Variants in SH3GL2 observed in about 807,000 individuals in gnomAD.
SH3GL2 encodes the protein endophilin-A1.
In SH3GL2, 24 loss-of-function variants were observed where a neutral mutation model predicts 46.0. That is an observed-to-expected ratio of 0.52 (90% CI 0.38 to 0.73). SH3GL2 has a LOEUF of 0.73. Ranked by LOEUF, SH3GL2 falls within the 30% of genes least tolerant of loss-of-function variation. The pLI is 0.00. For missense variants in SH3GL2, 413 were observed against 424.2 expected, an observed-to-expected ratio of 0.97 and a Z score of 0.23; for synonymous variants, 196 against 147.1, an observed-to-expected ratio of 1.33 and a Z score of -2.40.
intron 3 of SH3GL2, among the ~76,000 whole-genome samples, chr9:17,777,252 T>C (rs1420072539): frequency 6.6e-6 from 1 of 152,178 alleles, no homozygotes; most frequent in Non-Finnish European, 1.5e-5. Flanking sequence ...CTTTTTAAGA[T>C]GACTTTATTC....
chr9:17,614,049 C>G (rs1394266456), intron 1 of SH3GL2, among the ~76,000 whole-genome samples: 6 of 151,954 alleles, frequency 3.9e-5, no homozygotes, highest in Non-Finnish European at 8.8e-5. Context: ...TTATTTGGCT[C>G]TGTTTGGGAA....
chr9:17,651,492 T>C (rs1343307909), intron 1 of SH3GL2, among the ~76,000 whole-genome samples: 1 of 152,212 alleles, frequency 6.6e-6, no homozygotes, highest in Non-Finnish European at 1.5e-5. Context: ...TTTGCCTTTT[T>C]TCTGGTTATT....
chr9:17,722,324 C>A (rs187664929), intron 1 of SH3GL2, among the ~76,000 whole-genome samples: 1 of 152,120 alleles, frequency 6.6e-6, no homozygotes, highest in Non-Finnish European at 1.5e-5. Flanking sequence ...ATATGCAGTA[C>A]CAATATATTG....
At chr9:17,703,473 A>C (rs969057780) in intron 1 of SH3GL2, among the ~76,000 whole-genome samples, 1 of 151,998 alleles carries the variant, frequency 6.6e-6, no homozygotes, top group Non-Finnish European at 1.5e-5. Context: ...TCCTGATACC[A>C]AAACCTGGCA....
chr9:17,652,925 C>G (rs1300834806), intron 1 of SH3GL2, among the ~76,000 whole-genome samples: 1 of 152,106 alleles, frequency 6.6e-6, no homozygotes, highest in African/African-American at 2.4e-5. Flanking sequence ...TGTTCTACAG[C>G]ATTTCCTGTA....
intron 1 of SH3GL2, among the ~76,000 whole-genome samples, chr9:17,701,402 A>G (rs1821339844): frequency 6.6e-6 from 1 of 152,116 alleles, no homozygotes; most frequent in Non-Finnish European, 1.5e-5. Context: ...GAGAGGTGGT[A>G]GCAGGTAGTG....
At position 17,652,982 on chromosome 9, in the gene SH3GL2, A is replaced by T. The variant is rs78118356; in HGVS notation, c.45+73695A>T. ...TTATAATGTTTTTGGCTGCAATTCT[A>T]TTCTGTCTGATAATAAAATTGCTTC... On this transcript the variant is annotated intron_variant, in intron 1 of 8. Coordinates refer to ENST00000380607, the MANE Select transcript of SH3GL2 (RefSeq NM_003026.5). 6.6e-3 allele frequency among the ~76,000 whole-genome samples: 1,009 copies of T among 152,186 alleles called. 11 individuals are homozygous for T. Among genetic ancestry groups the T allele is most frequent in the African/African-American group, 0.023 (966 of 41,516 alleles).
chr9:17,747,848 A>AT (rs1466164486), intron 2 of SH3GL2, among the ~76,000 whole-genome samples: 2 of 151,564 alleles, frequency 1.3e-5, no homozygotes, highest in Non-Finnish European at 2.9e-5. Flanking sequence ...TAATTATTGT[A>AT]TTTTTTGTAG....
chr9:17,649,173 C>T (rs2134662404), intron 1 of SH3GL2, among the ~76,000 whole-genome samples: 1 of 152,366 alleles, frequency 6.6e-6, no homozygotes, highest in South Asian at 2.1e-4. Context: ...TCTCAGCTCA[C>T]TGCAACCTGC....
chr9:17,598,279 A>G (rs996197490), intron 1 of SH3GL2, among the ~76,000 whole-genome samples: 2 of 152,216 alleles, frequency 1.3e-5, no homozygotes, highest in African/African-American at 4.8e-5. Flanking sequence ...TCTTATTCAG[A>G]GAGGATAGCC....
intron 2 of SH3GL2, among the ~76,000 whole-genome samples, chr9:17,748,425 A>G (rs1284946128): frequency 6.6e-6 from 1 of 152,164 alleles, no homozygotes; most frequent in Non-Finnish European, 1.5e-5. Flanking sequence ...TTTTGATTCT[A>G]CCAGAAGTTT....
chr9:17,723,519 T>G (rs1346124146), intron 1 of SH3GL2, among the ~76,000 whole-genome samples: 1 of 152,158 alleles, frequency 6.6e-6, no homozygotes, highest in Non-Finnish European at 1.5e-5. Context: ...CTCAATAATT[T>G]GTTGAGATGA....
chr9:17,603,686 C>A (rs141663300), intron 1 of SH3GL2, among the ~76,000 whole-genome samples: 3,187 of 152,168 alleles, frequency 0.021, 99 homozygotes, highest in African/African-American at 0.073. Context: ...CATGGAGAAA[C>A]CCCATCTCTA....
At chr9:17,787,647 C>T in intron 5 of SH3GL2, 134 bp downstream of exon 5, 1 of 662,798 alleles carries the variant, frequency 1.5e-6, no homozygotes, top group Non-Finnish European at 2.5e-6. Context: ...CAAAACAACC[C>T]AGTAAGACAA....
chr9:17,795,400 A>G (rs1050001904), intron 8 of SH3GL2, 144 bp from the exon 9 acceptor site: 1 of 639,770 alleles, frequency 1.6e-6, no homozygotes, highest in African/African-American at 1.8e-5. Context: ...GTCCAGTAGC[A>G]AGAAGAAGCT....
In SH3GL2 at chr9:17,701,597, A is replaced by T. The variant is rs527537406; in HGVS notation, c.46-45469A>T. ...GAGCAATTGAAACAACATGACGAAC[A>T]ATAAGCATGTTCATTTTAACATACA... On this transcript the variant is annotated intron_variant, in intron 1 of 8. Coordinates refer to ENST00000380607, the MANE Select transcript of SH3GL2 (RefSeq NM_003026.5). Among the ~76,000 whole-genome samples, 18 of 152,300 alleles carry T rather than the reference A, an allele frequency of 1.2e-4. No homozygotes were observed. In the South Asian group the frequency reaches 2.3e-3, roughly 19 times the overall value.
intron 1 of SH3GL2, among the ~76,000 whole-genome samples, chr9:17,700,369 T>G (rs1364760901): frequency 2.0e-5 from 3 of 152,170 alleles, no homozygotes; most frequent in African/African-American, 7.2e-5. Context: ...AGCAAAACTG[T>G]AAATTCAGGG....
At chr9:17,643,560 C>G (rs1379292965) in intron 1 of SH3GL2, among the ~76,000 whole-genome samples, 2 of 151,816 alleles carry the variant, frequency 1.3e-5, no homozygotes, top group Non-Finnish European at 2.9e-5. Flanking sequence ...CAATACCGAC[C>G]TTATGGAGTG....
intron 1 of SH3GL2, among the ~76,000 whole-genome samples, chr9:17,607,872 A>C (rs1818788754): frequency 6.6e-6 from 1 of 152,218 alleles, no homozygotes; most frequent in Non-Finnish European, 1.5e-5. Flanking sequence ...CAAACTGATC[A>C]TTCAAATGAA....
Sources: gnomAD v4.1 joint callset for allele counts (sites outside exome capture counted in the v4.1 genomes callset) on GRCh38, gnomAD v4.1.1 for gene constraint, MANE v1.5 for transcripts, NCBI Gene and HGNC (gene_info 2026-07-23, HGNC 2026-07-21) for gene names.